The following VPS13C variants were observed in gnomAD, a reference collection of about 807,000 sequenced individuals.
VPS13C encodes vacuolar protein sorting 13 homolog C.
In VPS13C, 358 loss-of-function variants were observed where a neutral mutation model predicts 456.8. The ratio of observed to expected loss-of-function variants is 0.78; its 90% confidence interval spans 0.72 to 0.86. VPS13C has a LOEUF of 0.86. Ranked by LOEUF, VPS13C falls within the 40% of genes least tolerant of loss-of-function variation. The pLI is 0.00. For synonymous variants in VPS13C, 1,578 were observed against 1,486.7 expected, an observed-to-expected ratio of 1.06 and a Z score of -1.41; for missense variants, 4,818 against 4,385.4, an observed-to-expected ratio of 1.10 and a Z score of -2.79.
At chr15:61,962,564 T>C in intron 33 of VPS13C, 26 bp from the exon 34 acceptor site, 1 of 1,594,168 alleles carries the variant, frequency 6.3e-7, no homozygotes, top group Non-Finnish European at 8.6e-7. Context: ...TTGAATGTAC[T>C]CTATCCGGGA....
At chr15:62,045,467 C>A (rs916571986) in intron 1 of VPS13C, among the ~76,000 whole-genome samples, 3 of 151,774 alleles carry the variant, frequency 2.0e-5, no homozygotes, top group Admixed American at 2.0e-4. Flanking sequence ...GAAAAGAGGG[C>A]AAATAGATAA....
At position 61,909,212 on chromosome 15, in the gene VPS13C, A is replaced by C. The variant is rs185672845; in HGVS notation, c.8845-87T>G. On this transcript the variant is annotated intron_variant, in intron 64 of 84. Transcript: ENST00000644861. ...ATTTCAATATTACGTAAAACACAAA[A>C]GCTTTGGTTTTTTTCGAGACAGAGT... 8,339 of 1,533,282 alleles carry C rather than the reference A, an allele frequency of 5.4e-3. 29 individuals carry two copies. The highest frequency in any genetic ancestry group is 6.7e-3 in the Non-Finnish European group (7,551 of 1,135,440). 95.0% of individuals were successfully genotyped at this position (1,533,282 alleles called of 1,614,324 possible). A position where few individuals can be genotyped will look rare whatever the true frequency, so the allele number is the denominator to read the frequency against.
chr15:61,967,311 T>A, intron 29 of VPS13C, 57 bp downstream of exon 29: 1 of 1,438,232 alleles, frequency 7.0e-7, no homozygotes, highest in Non-Finnish European at 9.7e-7. Flanking sequence ...ATATTCTTCC[T>A]TCCAGAGAAA....
intron 74 of VPS13C, among the ~76,000 whole-genome samples, chr15:61,878,356 T>A (rs1349081549): frequency 6.6e-6 from 1 of 151,918 alleles, no homozygotes; most frequent in African/African-American, 2.4e-5. Flanking sequence ...AAAATTCAAT[T>A]ATTATTCTAC....
rs1473800274 is a variant in VPS13C, at chr15:62,048,383, T to A, written c.101-4128A>T. ...GTTTTTTGTCCTTGCGATAGTTTACTGAGAATGATGGTTTCCAGTTTCATC... is the reference window on the plus strand; with the variant it reads ...GTTTTTTGTCCTTGCGATAGTTTACAGAGAATGATGGTTTCCAGTTTCATC... On this transcript the variant is annotated intron_variant, in intron 1 of 84. Coordinates refer to ENST00000644861, the MANE Select transcript of VPS13C (RefSeq NM_020821.3). Among the ~76,000 whole-genome samples, 8 of 151,390 alleles carry A rather than the reference T, an allele frequency of 5.3e-5. No individual in the cohort carries two copies. The East Asian group carries it at 1.4e-3, about 26-fold the overall frequency.
chr15:62,025,144 TA>T (rs1239350787), intron 6 of VPS13C, among the ~76,000 whole-genome samples: 1 of 151,990 alleles, frequency 6.6e-6, no homozygotes, highest in African/African-American at 2.4e-5. Flanking sequence ...TTCAAATGAA[TA>T]AAAAAAATTC....
At chr15:61,907,059 T>C in intron 66 of VPS13C, 2 of 561,792 alleles carry the variant, frequency 3.6e-6, no homozygotes, top group South Asian at 4.4e-5. Context: ...ATTTTTTAAA[T>C]TGTAAATAAA....
chr15:62,033,344 T>G, intron 5 of VPS13C, 97 bp downstream of exon 5: 1 of 690,760 alleles, frequency 1.4e-6, no homozygotes, highest in Non-Finnish European at 2.1e-6. Context: ...CTTTAGAACT[T>G]CAACTTATGA....
chr15:61,897,751 A>T (rs879711312), intron 66 of VPS13C, among the ~76,000 whole-genome samples: 3 of 152,142 alleles, frequency 2.0e-5, no homozygotes, highest in Non-Finnish European at 2.9e-5. Flanking sequence ...AATACAGAAA[A>T]CACCACAAAG....
chr15:62,000,670 A>G (rs754752768), intron 15 of VPS13C, 44 bp from the exon 16 acceptor site: 1 of 1,530,600 alleles, frequency 6.5e-7, no homozygotes, highest in African/African-American at 1.4e-5. Context: ...TTTAATCATT[A>G]GATAAAAGAA....
chr15:62,006,133 T>A (rs1297453352), intron 15 of VPS13C, among the ~76,000 whole-genome samples: 1 of 151,988 alleles, frequency 6.6e-6, no homozygotes, highest in Non-Finnish European at 1.5e-5. Context: ...CTTTAAGTTC[T>A]AGGGTACATG....
intron 82 of VPS13C, among the ~76,000 whole-genome samples, chr15:61,860,935 T>C (rs1241340986): frequency 6.6e-6 from 1 of 151,084 alleles, no homozygotes; most frequent in African/African-American, 2.4e-5. Flanking sequence ...AACGCATGTA[T>C]GGTTAGTTAT....
chr15:62,025,434 G>A (rs939570799), intron 6 of VPS13C, among the ~76,000 whole-genome samples: 4 of 151,990 alleles, frequency 2.6e-5, no homozygotes, highest in Non-Finnish European at 5.9e-5. Flanking sequence ...TACATAAAAA[G>A]AATGAGTTCT....
rs1290946156 is a variant in VPS13C, at chr15:62,026,053, G to A, written c.449-2208C>T. On this transcript the variant is annotated intron_variant, in intron 6 of 84. Coordinates refer to ENST00000644861, the MANE Select transcript of VPS13C (RefSeq NM_020821.3). ...CAGTTGGATTAGCATATCTGCTTCT[G>A]CCTTCAACCTGTTGAGATATGTTGT... is the stretch of plus-strand genomic sequence containing the variant. Among the ~76,000 whole-genome samples the A allele has an allele frequency of 5.0e-5, 4 of 80,400 alleles. No homozygotes were observed. The East Asian group carries it at 1.1e-3, about 21-fold the overall frequency. The allele number at this position is 80,400 out of a possible 152,430, so 52.7% of individuals were successfully genotyped here.
At chr15:61,984,583 T>A (rs1439119999) in intron 19 of VPS13C, among the ~76,000 whole-genome samples, 3 of 152,218 alleles carry the variant, frequency 2.0e-5, no homozygotes, top group East Asian at 3.8e-4. Flanking sequence ...AAAAACTTAC[T>A]GTACTTGTCC....
At chr15:62,047,198 G>A (rs989724876) in intron 1 of VPS13C, among the ~76,000 whole-genome samples, 3 of 151,836 alleles carry the variant, frequency 2.0e-5, no homozygotes, top group African/African-American at 4.8e-5. Context: ...GGCCAAGGCA[G>A]GTGGATCACA....
chr15:62,044,155 G>T (rs2140731075), intron 2 of VPS13C, 57 bp downstream of exon 2: 2 of 1,263,726 alleles, frequency 1.6e-6, no homozygotes, highest in Admixed American at 2.2e-5. Flanking sequence ...GTAGGCAAAG[G>T]TTTCTAAGAA....
intron 40 of VPS13C, 90 bp from the exon 41 acceptor site, chr15:61,950,507 G>T: frequency 2.0e-6 from 2 of 1,001,442 alleles, no homozygotes; most frequent in Non-Finnish European, 3.0e-6. Flanking sequence ...TTCTAAGTAT[G>T]CTATTAAAAG....
intron 30 of VPS13C, 67 bp downstream of exon 30, chr15:61,966,016 G>A: frequency 8.0e-7 from 1 of 1,243,140 alleles, no homozygotes; most frequent in East Asian, 2.4e-5. Context: ...ACTCCTCAAA[G>A]GATACTAGAG....
Sources: allele counts gnomAD v4.1 joint callset (sites outside exome capture counted in the v4.1 genomes callset), GRCh38; gene constraint gnomAD v4.1.1; transcripts MANE v1.5; gene names NCBI Gene and HGNC (gene_info 2026-07-23, HGNC 2026-07-21).